MARK1: variants seen among roughly 807,000 people sequenced by gnomAD.
MARK1 encodes serine/threonine-protein kinase MARK1.
In MARK1, 40 loss-of-function variants were observed where a neutral mutation model predicts 96.3. The ratio of observed to expected loss-of-function variants is 0.42; its 90% confidence interval spans 0.32 to 0.54. The LOEUF (loss-of-function observed/expected upper bound fraction) is 0.54, where lower values mean the gene tolerates loss of function less well. MARK1 is among the 20% of genes least tolerant of loss of function. The pLI is 0.16. For synonymous variants in MARK1, 317 were observed against 341.2 expected, an observed-to-expected ratio of 0.93 and a Z score of 0.78; for missense variants, 719 against 984.6, an observed-to-expected ratio of 0.73 and a Z score of 3.61.
At chr1:220,559,403 G>A (rs1390442020) in intron 1 of MARK1, among the ~76,000 whole-genome samples, 1 of 152,100 alleles carries the variant, frequency 6.6e-6, no homozygotes, top group Non-Finnish European at 1.5e-5. Context: ...TGGTTGGAGT[G>A]GGTTGAAGTA....
chr1:220,561,530 A>ATGAAAAGT (rs1308046735), intron 1 of MARK1, among the ~76,000 whole-genome samples: 1 of 152,222 alleles, frequency 6.6e-6, no homozygotes, highest in Non-Finnish European at 1.5e-5. Context: ...AGAGGGATAC[A>ATGAAAAGT]TGAAAAGTTA....
At chr1:220,634,909 A>G (rs943237429) in intron 11 of MARK1, among the ~76,000 whole-genome samples, 1 of 152,166 alleles carries the variant, frequency 6.6e-6, no homozygotes, top group Non-Finnish European at 1.5e-5. Flanking sequence ...GTGTATATAC[A>G]TGTGTGTATA....
At chr1:220,550,823 C>T (rs887013083) in intron 1 of MARK1, among the ~76,000 whole-genome samples, 8 of 152,158 alleles carry the variant, frequency 5.3e-5, no homozygotes, top group East Asian at 1.9e-4. Flanking sequence ...GAAGTAAGAA[C>T]GTTGCCATTT....
intron 6 of MARK1, among the ~76,000 whole-genome samples, chr1:220,607,239 T>C (rs145819892): frequency 0.58 from 88,346 of 151,888 alleles, 27,048 homozygotes; most frequent in Non-Finnish European, 0.68. Context: ...GTCCTTCACG[T>C]CCCTTGTAAG....
intron 1 of MARK1, among the ~76,000 whole-genome samples, chr1:220,562,367 G>A (rs1195536597): frequency 6.6e-6 from 1 of 152,200 alleles, no homozygotes; most frequent in Non-Finnish European, 1.5e-5. Flanking sequence ...CTACTTGGAA[G>A]GTTGAGTCAC....
intron 6 of MARK1, among the ~76,000 whole-genome samples, chr1:220,607,587 C>A (rs1666160770): frequency 6.6e-6 from 1 of 151,776 alleles, no homozygotes; most frequent in Non-Finnish European, 1.5e-5. Flanking sequence ...AGAGGACATC[C>A]CTGTCGTGTG....
At chr1:220,627,180 T>A (rs1667391849) in intron 9 of MARK1, 1 of 480,136 alleles carries the variant, frequency 2.1e-6, no homozygotes, top group Non-Finnish European at 4.2e-6. Flanking sequence ...CTGAGGAGAG[T>A]GGCGATGAGA....
At chr1:220,553,248 A>ACT (rs1182224932) in intron 1 of MARK1, among the ~76,000 whole-genome samples, 1 of 151,854 alleles carries the variant, frequency 6.6e-6, no homozygotes, top group Non-Finnish European at 1.5e-5. Context: ...TATACTACAT[A>ACT]CTCTCTCTCT....
intron 9 of MARK1, among the ~76,000 whole-genome samples, chr1:220,624,377 A>T (rs1355174531): frequency 6.6e-6 from 1 of 151,596 alleles, no homozygotes; most frequent in Non-Finnish European, 1.5e-5. Flanking sequence ...AGGTGGGCGG[A>T]TCACCTGAGG....
intron 1 of MARK1, among the ~76,000 whole-genome samples, chr1:220,569,231 T>A (rs1663266961): frequency 6.6e-6 from 1 of 152,196 alleles, no homozygotes. Context: ...TTGCCCATTT[T>A]AAAAATTGAC....
chr1:220,531,491 C>T (rs2102683852), intron 1 of MARK1, among the ~76,000 whole-genome samples: 1 of 152,166 alleles, frequency 6.6e-6, no homozygotes, highest in East Asian at 1.9e-4. Context: ...ATAAACATTT[C>T]TTTGGTCATC....
chr1:220,630,611 CTCT>C (rs923789517), intron 9 of MARK1, among the ~76,000 whole-genome samples: 8 of 152,174 alleles, frequency 5.3e-5, no homozygotes, highest in Admixed American at 2.0e-4. Context: ...TCCCCATGAC[CTCT>C]TCTTTACTAA....
chr1:220,658,796 A>G (rs1669314916), intron 17 of MARK1, among the ~76,000 whole-genome samples: 1 of 152,248 alleles, frequency 6.6e-6, no homozygotes, highest in African/African-American at 2.4e-5. Flanking sequence ...ACTGTGCTAT[A>G]TTTACATTTA....
intron 2 of MARK1, 43 bp from the exon 3 acceptor site, chr1:220,581,022 A>G (rs993566232): frequency 5.0e-6 from 4 of 804,466 alleles, no homozygotes; most frequent in Non-Finnish European, 7.3e-6. Context: ...ATTCATTAAA[A>G]TATGCATTTT....
rs553083900 is a variant in MARK1 at position 220,617,381 on chromosome 1, T to TC, written c.553-928dup. Among the ~76,000 whole-genome samples the TC allele has an allele frequency of 1.3e-3, 192 of 152,316 alleles. 3 individuals are homozygous for TC. The highest frequency in any genetic ancestry group is 1.2e-3 in the Admixed American group (19 of 15,296). ...ATAGATGATGGGCAGAGTGCTTGAC[T>TC]CTTATAATTGTTGGACCTTCCAGTA... On this transcript the variant is annotated intron_variant, in intron 7 of 17. Transcript: ENST00000366917.
chr1:220,562,084 A>G (rs1177676990), intron 1 of MARK1, among the ~76,000 whole-genome samples: 1 of 152,148 alleles, frequency 6.6e-6, no homozygotes, highest in East Asian at 1.9e-4. Flanking sequence ...GTAAACTTTT[A>G]TCTGGTTGGA....
intron 1 of MARK1, among the ~76,000 whole-genome samples, chr1:220,553,600 A>G (rs1345722491): frequency 6.6e-6 from 1 of 152,200 alleles, no homozygotes; most frequent in Admixed American, 6.5e-5. Flanking sequence ...GTTGCAGTGC[A>G]TGCCCAACTT....
intron 13 of MARK1, among the ~76,000 whole-genome samples, chr1:220,649,980 T>C (rs973270054): frequency 6.6e-6 from 1 of 152,200 alleles, no homozygotes; most frequent in Non-Finnish European, 1.5e-5. Flanking sequence ...ATTACCTGCC[T>C]ATCCCTTTTT....
intron 17 of MARK1, among the ~76,000 whole-genome samples, chr1:220,661,322 C>T (rs1669470721): frequency 1.3e-5 from 2 of 152,122 alleles, no homozygotes; most frequent in African/African-American, 4.8e-5. Context: ...AACATCTTTA[C>T]CTAATTGCAG....
Sources: gnomAD v4.1 joint callset for allele counts (sites outside exome capture counted in the v4.1 genomes callset) on GRCh38, gnomAD v4.1.1 for gene constraint, MANE v1.5 for transcripts, NCBI Gene and HGNC (gene_info 2026-07-23, HGNC 2026-07-21) for gene names.